ZSWIM5: variants seen among roughly 807,000 people sequenced by gnomAD.
The protein encoded by ZSWIM5 is zinc finger SWIM domain-containing protein 5.
In ZSWIM5, 55 loss-of-function variants were observed where a neutral mutation model predicts 119.6. The observed-to-expected ratio is 0.46, with a 90% CI of 0.37 to 0.58. ZSWIM5 has a LOEUF of 0.58. Among genes scored for constraint, ZSWIM5 ranks in the 20% least tolerant of loss-of-function variants. ZSWIM5 has a pLI of 0.00. For missense variants in ZSWIM5, 1,193 were observed against 1,512.8 expected, an observed-to-expected ratio of 0.79 and a Z score of 3.51; for synonymous variants, 537 against 606.9, an observed-to-expected ratio of 0.88 and a Z score of 1.69.
chr1:45,132,553 A>T (rs775691596), intron 1 of ZSWIM5, among the ~76,000 whole-genome samples: 51 of 152,326 alleles, frequency 3.3e-4, no homozygotes, highest in Admixed American at 8.5e-4. Flanking sequence ...GTTAAAAAAG[A>T]CTTAGGAGTT....
chr1:45,043,850 C>T (rs1426555474), intron 5 of ZSWIM5, among the ~76,000 whole-genome samples: 2 of 151,986 alleles, frequency 1.3e-5, no homozygotes, highest in African/African-American at 2.4e-5. Context: ...ACTAACTTTC[C>T]CTTATCAGAC....
intron 1 of ZSWIM5, among the ~76,000 whole-genome samples, chr1:45,176,889 C>T (rs1313405611): frequency 6.6e-6 from 1 of 151,980 alleles, no homozygotes; most frequent in East Asian, 1.9e-4. Flanking sequence ...ATGTGGATAC[C>T]CTCCTCACCC....
At chr1:45,022,877 C>A (rs1014408613) in intron 11 of ZSWIM5, among the ~76,000 whole-genome samples, 1 of 152,222 alleles carries the variant, frequency 6.6e-6, no homozygotes. Flanking sequence ...ATATCTAATA[C>A]AATGCCTATA....
In ZSWIM5 at chr1:45,093,907, G is replaced by A. The variant is rs912662437; in HGVS notation, c.596-5670C>T. ...TACCCAGGCTGGAGTGCAGTGGTGCGACCACGGCTTGCTGCAACCTTGACC... is the reference window on the plus strand; with the variant it reads ...TACCCAGGCTGGAGTGCAGTGGTGCAACCACGGCTTGCTGCAACCTTGACC... On this transcript the variant is annotated intron_variant, in intron 1 of 13. Transcript: ENST00000359600. Among the ~76,000 whole-genome samples, 14 of 148,324 alleles carry A rather than the reference G, an allele frequency of 9.4e-5. No homozygotes were observed. In the East Asian group the frequency reaches 2.4e-3, roughly 25 times the overall value.
At chr1:45,047,344 T>G (rs1645062214) in intron 5 of ZSWIM5, among the ~76,000 whole-genome samples, 1 of 152,076 alleles carries the variant, frequency 6.6e-6, no homozygotes, top group African/African-American at 2.4e-5. Context: ...TCAGTAATGG[T>G]AGGGATTGAA....
intron 1 of ZSWIM5, among the ~76,000 whole-genome samples, chr1:45,204,763 C>T (rs1271572003): frequency 1.3e-5 from 2 of 152,046 alleles, no homozygotes; most frequent in African/African-American, 4.8e-5. Flanking sequence ...ATATAGTGTA[C>T]AATAAAACGC....
At chr1:45,128,719 A>G (rs1045919899) in intron 1 of ZSWIM5, among the ~76,000 whole-genome samples, 9 of 152,208 alleles carry the variant, frequency 5.9e-5, no homozygotes, top group Non-Finnish European at 1.3e-4. Context: ...TGTATCTACT[A>G]TTACAGTATC....
intron 1 of ZSWIM5, among the ~76,000 whole-genome samples, chr1:45,129,912 T>C (rs556067703): frequency 6.6e-6 from 1 of 152,176 alleles, no homozygotes; most frequent in Non-Finnish European, 1.5e-5. Context: ...TTTTTTTTTT[T>C]TTTGAGATGG....
chr1:45,055,865 G>A (rs943100408), intron 4 of ZSWIM5, among the ~76,000 whole-genome samples: 6 of 152,282 alleles, frequency 3.9e-5, no homozygotes, highest in East Asian at 3.9e-4. Flanking sequence ...CATGTGGCTC[G>A]TGCCTGTAAT....
Position 45,153,760 on chromosome 1 carries a change from C to T in ZSWIM5, c.595+51996G>A, listed in dbSNP as rs991894383. ...TCCTAGCTAGAGCAATCAGACGAGA[C>T]AAAGAAATAAAAGGTATCTAAATTG... On this transcript the variant is annotated intron_variant, in intron 1 of 13. Transcript: ENST00000359600. Among the ~76,000 whole-genome samples the T allele has an allele frequency of 2.6e-5, 4 of 151,126 alleles. No individual in the cohort carries two copies. The Admixed American group carries it at 2.6e-4, about 10-fold the overall frequency.
chr1:45,134,066 T>G (rs1645675132), intron 1 of ZSWIM5, among the ~76,000 whole-genome samples: 1 of 152,208 alleles, frequency 6.6e-6, no homozygotes, highest in South Asian at 2.1e-4. Context: ...CTTTGTTCTT[T>G]TGGCTTAGGA....
chr1:45,158,617 A>T (rs1205029627), intron 1 of ZSWIM5, among the ~76,000 whole-genome samples: 2 of 152,242 alleles, frequency 1.3e-5, no homozygotes, highest in Non-Finnish European at 2.9e-5. Flanking sequence ...TGCATCTGTA[A>T]AATAGATATA....
rs1245925011 is a variant in ZSWIM5, at chr1:45,206,067, C to G, written c.284G>C (p.Arg95Pro). The change falls in exon 1 of 14, where the codon CGC becomes CCC. Residue 95 changes from arginine (R) to proline (P), a missense_variant. By Grantham distance (103) the Arg-to-Pro change is moderately radical. Around this residue, in one of 2 missense-constraint regions of ZSWIM5, gnomAD observed 232 missense variants for 222.9 expected, o/e 1.04. Transcript: ENST00000359600. ...RFERIPEPVQ[R>P]RIVYWSFPRN... ...CGGGAAGGACCAGTAGACGATGCGG[C>G]GCTGCACGGGCTCCGGGATCCGCTC... The G allele has an allele frequency of 1.2e-6, 2 of 1,611,524 alleles. No homozygotes were observed. The highest frequency in any genetic ancestry group is 1.7e-5 in the Admixed American group (1 of 59,946).
intron 1 of ZSWIM5, among the ~76,000 whole-genome samples, chr1:45,135,740 A>T (rs1352279813): frequency 6.6e-6 from 1 of 152,198 alleles, no homozygotes; most frequent in East Asian, 1.9e-4. Context: ...TATCAGAACA[A>T]ACCAATTCTC....
chr1:45,063,635 C>T (rs1645165664), intron 2 of ZSWIM5, among the ~76,000 whole-genome samples: 1 of 151,968 alleles, frequency 6.6e-6, no homozygotes, highest in Non-Finnish European at 1.5e-5. Flanking sequence ...GTTCTTTGAC[C>T]AAAAAACCCA....
chr1:45,063,676 CCA>C (rs1473001842), intron 2 of ZSWIM5, among the ~76,000 whole-genome samples: 1 of 152,156 alleles, frequency 6.6e-6, no homozygotes, highest in East Asian at 1.9e-4. Context: ...TACTTCAGCT[CCA>C]GAGTCAGGGC....
chr1:45,101,593 T>C (rs1645439899), intron 1 of ZSWIM5, among the ~76,000 whole-genome samples: 3 of 152,176 alleles, frequency 2.0e-5, no homozygotes, highest in Admixed American at 2.0e-4. Flanking sequence ...CATGCACATG[T>C]ATGTTTACTG....
At chr1:45,200,224 T>C (rs1259713771) in intron 1 of ZSWIM5, among the ~76,000 whole-genome samples, 1 of 152,184 alleles carries the variant, frequency 6.6e-6, no homozygotes, top group African/African-American at 2.4e-5. Context: ...AATTAATCAG[T>C]TGACTATATA....
At chr1:45,060,275 A>G in intron 2 of ZSWIM5, 28 bp from the exon 3 acceptor site, 1 of 1,609,124 alleles carries the variant, frequency 6.2e-7, no homozygotes, top group African/African-American at 1.3e-5. Flanking sequence ...AGTGAAATGA[A>G]TCACCTGAGT....
Sources: allele counts gnomAD v4.1 joint callset (sites outside exome capture counted in the v4.1 genomes callset), GRCh38; gene constraint gnomAD v4.1.1; regional missense constraint gnomAD v4.1.1; transcripts MANE v1.5; gene names NCBI Gene and HGNC (gene_info 2026-07-23, HGNC 2026-07-21).